MSANTD7: variants seen among roughly 807,000 people sequenced by gnomAD.
MSANTD7 encodes Myb/SANT DNA binding domain containing 7.
the MSANTD7 span, chr10:14,840,105 A>T: frequency 6.8e-7 from 1 of 1,470,580 alleles, no homozygotes; most frequent in South Asian, 1.6e-5. Context: ...ACAAAGTAGA[A>T]TAAGAAATAT....
At chr10:14,844,760 TC>T in the MSANTD7 span, 2 of 977,500 alleles carry the variant, frequency 2.0e-6, no homozygotes, top group Non-Finnish European at 2.4e-6. Flanking sequence ...ATTATTTGGG[TC>T]CCTTTATATG....
chr10:14,841,437 GTAAGAA>G, the MSANTD7 span, among the ~76,000 whole-genome samples: 1 of 152,166 alleles, frequency 6.6e-6, no homozygotes, highest in South Asian at 2.1e-4. Context: ...ATGCTGCTGT[GTAAGAA>G]ATAATACAGA....
chr10:14,844,102 A>G, the MSANTD7 span: 3 of 1,392,500 alleles, frequency 2.2e-6, no homozygotes, highest in African/African-American at 1.5e-5. Context: ...GGGGTGACCT[A>G]ATAGAAAACG....
the MSANTD7 span, chr10:14,845,694 C>T: frequency 1.3e-5 from 3 of 238,708 alleles, no homozygotes; most frequent in Non-Finnish European, 2.0e-5. Context: ...CCCGAGTAGC[C>T]GGGATTACAG....
At chr10:14,840,815 T>C in the MSANTD7 span, among the ~76,000 whole-genome samples, 1 of 152,334 alleles carries the variant, frequency 6.6e-6, no homozygotes, top group South Asian at 2.1e-4. Context: ...ATTTTCAAAG[T>C]GCTTTCACAT....
the MSANTD7 span, chr10:14,845,550 C>CA: frequency 9.2e-6 from 9 of 983,512 alleles, no homozygotes; most frequent in Non-Finnish European, 8.4e-6. Context: ...GGAATCCTGT[C>CA]ACAGTTTGTT....
the MSANTD7 span, chr10:14,842,454 G>A: frequency 2.6e-6 from 4 of 1,536,130 alleles, no homozygotes; most frequent in Middle Eastern, 1.7e-4. The surrounding 1 kb of genome is among the most constrained non-coding windows in gnomAD (Gnocchi z 5.2). Context: ...GGCTTCCGCC[G>A]CACCGAACGT....
chr10:14,845,163 CA>C, the MSANTD7 span: 210 of 985,450 alleles, frequency 2.1e-4, no homozygotes, highest in Middle Eastern at 4.7e-3. Flanking sequence ...TGATAAGCCA[CA>C]CTTCCGATTT....
the MSANTD7 span, chr10:14,843,636 G>A: frequency 2.6e-6 from 4 of 1,550,342 alleles, no homozygotes. Context: ...GGCGGTCAGT[G>A]GCCAGGACTA....
At chr10:14,842,429 C>G in the MSANTD7 span, 1 of 1,536,166 alleles carries the variant, frequency 6.5e-7, no homozygotes, top group Non-Finnish European at 8.7e-7. The surrounding 1 kb of genome is among the most constrained non-coding windows in gnomAD (Gnocchi z 5.2). Context: ...TGTGTCTAAG[C>G]GAATGCAGCA....
the MSANTD7 span, chr10:14,843,278 A>G: frequency 8.9e-6 from 13 of 1,465,886 alleles, no homozygotes; most frequent in South Asian, 1.2e-5. Context: ...AGGAACAACC[A>G]TAGTTTTATA....
At chr10:14,843,473 G>C in the MSANTD7 span, 1 of 1,550,614 alleles carries the variant, frequency 6.4e-7, no homozygotes, top group Non-Finnish European at 8.7e-7. Context: ...GGTGTGTCCG[G>C]GGAGCCCAGC....
At chr10:14,846,434 TAA>T in the MSANTD7 span, 2 of 985,244 alleles carry the variant, frequency 2.0e-6, no homozygotes, top group Non-Finnish European at 2.4e-6. Flanking sequence ...AATGTGGGAA[TAA>T]AAGTCAAGGG....
chr10:14,838,650 G>A, the MSANTD7 span: 1 of 560,500 alleles, frequency 1.8e-6, no homozygotes, highest in African/African-American at 2.0e-5. Context: ...CCGGAAAGTC[G>A]TCTACTCCGC....
At chr10:14,843,809 C>G in the MSANTD7 span, 1 of 1,536,382 alleles carries the variant, frequency 6.5e-7, no homozygotes, top group East Asian at 2.4e-5. Context: ...AGACGTTTGG[C>G]AACAGCAGTG....
At chr10:14,844,591 C>A in the MSANTD7 span, 1 of 985,282 alleles carries the variant, frequency 1.0e-6, no homozygotes, top group Non-Finnish European at 1.2e-6. Flanking sequence ...CCGTCTTTCT[C>A]TCCTTCATTT....
the MSANTD7 span, chr10:14,844,291 G>GT: frequency 4.6e-6 from 5 of 1,092,772 alleles, no homozygotes; most frequent in African/African-American, 8.5e-5. Flanking sequence ...GGGTTTAAAA[G>GT]TTTAAAAGCA....
chr10:14,846,782 G>C, the MSANTD7 span: 6 of 985,482 alleles, frequency 6.1e-6, no homozygotes, highest in African/African-American at 7.0e-5. Flanking sequence ...GTGCTGGTGT[G>C]TGCCAAGCCC....
chr10:14,842,130 C>T, the MSANTD7 span: 1 of 1,531,930 alleles, frequency 6.5e-7, no homozygotes, highest in Non-Finnish European at 8.7e-7. This position sits in a 1 kb window ranked among gnomAD's most constrained non-coding sequence, Gnocchi z 5.2. Context: ...CTGTGGCCTT[C>T]CAGCCAGAAA....
Sources: allele counts gnomAD v4.1 joint callset (sites outside exome capture counted in the v4.1 genomes callset), GRCh38; gene constraint gnomAD v4.1.1; non-coding constraint Gnocchi (gnomAD v3.1); transcripts MANE v1.5; gene names NCBI Gene and HGNC (gene_info 2026-07-23, HGNC 2026-07-21).